The following SGIP1 variants were observed in gnomAD, a reference collection of about 807,000 sequenced individuals.
The protein encoded by SGIP1 is SH3GL interacting endocytic adaptor 1.
A neutral mutation model predicts 107.5 loss-of-function variants in SGIP1; 38 were observed. That is an observed-to-expected ratio of 0.35 (90% CI 0.27 to 0.46). SGIP1 has a LOEUF of 0.46. SGIP1 is among the 20% of genes least tolerant of loss of function. SGIP1 has a pLI of 1.00. For missense variants in SGIP1, 929 were observed against 1,019.5 expected (o/e 0.91, Z 1.21); for synonymous variants, 365 against 366.1 (o/e 1.00, Z 0.03).
rs1026644126 is a variant in SGIP1, at chr1:66,743,876, A to T, written c.*781A>T. The T allele has an allele frequency of 5.2e-5, 8 of 152,586 alleles. No homozygotes were observed. Among genetic ancestry groups the T allele is most frequent in the African/African-American group, 1.9e-4 (8 of 41,460 alleles). 9.5% of individuals were successfully genotyped at this position (152,586 alleles called of 1,614,324 possible). A position where few individuals can be genotyped will look rare whatever the true frequency, so the allele number is the denominator to read the frequency against. ...TAAATTATAATCAAGAGTAAAGAAG[A>T]TGTTGAAGTCTTAACTACTTGCCCC... On this transcript the variant is annotated 3_prime_UTR_variant, in exon 25 of 25. Coordinates refer to ENST00000371037, the MANE Select transcript of SGIP1 (RefSeq NM_032291.4).
intron 7 of SGIP1, among the ~76,000 whole-genome samples, chr1:66,652,281 C>T (rs780632438): frequency 3.9e-5 from 6 of 152,158 alleles, no homozygotes; most frequent in Non-Finnish European, 8.8e-5. Flanking sequence ...ATCACCTTCT[C>T]AGCTTTGCTT....
At chr1:66,687,496 G>A (rs1006588629) in intron 15 of SGIP1, among the ~76,000 whole-genome samples, 1 of 151,908 alleles carries the variant, frequency 6.6e-6, no homozygotes, top group Non-Finnish European at 1.5e-5. Context: ...TCTATATTGA[G>A]AGAGAGATGT....
chr1:66,714,876 G>T (rs1475229311), intron 18 of SGIP1, among the ~76,000 whole-genome samples: 1 of 152,034 alleles, frequency 6.6e-6, no homozygotes, highest in Non-Finnish European at 1.5e-5. Flanking sequence ...AGGCCATAAG[G>T]CTTGAATTTC....
At chr1:66,665,902 T>C (rs2082432226) in intron 8 of SGIP1, 2 of 152,214 alleles carry the variant, frequency 1.3e-5, no homozygotes, top group African/African-American at 4.8e-5. Flanking sequence ...CTACAAAAAT[T>C]TTCTCCCATT....
intron 4 of SGIP1, among the ~76,000 whole-genome samples, chr1:66,638,861 T>C (rs1012682935): frequency 6.6e-6 from 1 of 152,176 alleles, no homozygotes; most frequent in Admixed American, 6.5e-5. Flanking sequence ...CCATTTGATG[T>C]GTGTTGTTCT....
intron 1 of SGIP1, among the ~76,000 whole-genome samples, chr1:66,610,695 T>A (rs2067803028): frequency 7.1e-6 from 1 of 141,276 alleles, no homozygotes; most frequent in South Asian, 2.6e-4. Context: ...AAAAAAGGAA[T>A]TCAGTAAGTC....
At chr1:66,539,571 C>T (rs551198878) in intron 1 of SGIP1, among the ~76,000 whole-genome samples, 1 of 152,266 alleles carries the variant, frequency 6.6e-6, no homozygotes, top group East Asian at 1.9e-4. Flanking sequence ...TCTTAAAATC[C>T]ATAGGCTACA....
intron 1 of SGIP1, chr1:66,615,865 G>T (rs1161195491): frequency 6.6e-6 from 1 of 152,134 alleles, no homozygotes; most frequent in African/African-American, 2.4e-5. Flanking sequence ...AGGTTCTAAG[G>T]GAACAGGTCA....
At chr1:66,709,188 C>CA (rs778149974) in intron 18 of SGIP1, among the ~76,000 whole-genome samples, 8 of 150,814 alleles carry the variant, frequency 5.3e-5, no homozygotes, top group Admixed American at 4.0e-4. Flanking sequence ...CCCAGCCCCC[C>CA]ACCCCCGACA....
At chr1:66,703,833 C>A (rs2092239956) in intron 18 of SGIP1, among the ~76,000 whole-genome samples, 1 of 151,160 alleles carries the variant, frequency 6.6e-6, no homozygotes, top group African/African-American at 2.4e-5. Context: ...TATGGCATAT[C>A]ATAGATATTT....
At chr1:66,740,573 T>G in intron 22 of SGIP1, 85 bp from the exon 23 acceptor site, 1 of 822,696 alleles carries the variant, frequency 1.2e-6, no homozygotes, top group Non-Finnish European at 2.0e-6. Flanking sequence ...TTTTAAAAAA[T>G]TAATACTATC....
At chr1:66,595,163 G>A (rs775612518) in intron 1 of SGIP1, among the ~76,000 whole-genome samples, 8 of 152,174 alleles carry the variant, frequency 5.3e-5, no homozygotes, top group Non-Finnish European at 1.2e-4. Context: ...TACACTTCGT[G>A]CTGATCATTG....
intron 1 of SGIP1, among the ~76,000 whole-genome samples, chr1:66,609,105 A>G (rs2067424780): frequency 6.6e-6 from 1 of 152,120 alleles, no homozygotes; most frequent in African/African-American, 2.4e-5. Context: ...TGAATGTTCC[A>G]TCTGCAGTCA....
Position 66,747,181 on chromosome 1 carries a change from A to G in SGIP1, c.*4086A>G, listed in dbSNP as rs1171857813. The G allele has an allele frequency of 1.3e-5, 2 of 152,118 alleles. No individual in the cohort carries two copies. Among genetic ancestry groups the G allele is most frequent in the African/African-American group, 4.8e-5 (2 of 41,468 alleles). 9.4% of individuals were successfully genotyped at this position (152,118 alleles called of 1,614,324 possible). ...TAGGCATCGATAAATTTGTATTGACAGCATAAACTTCTAGGGATGAGATTT... is the reference window on the plus strand; with the variant it reads ...TAGGCATCGATAAATTTGTATTGACGGCATAAACTTCTAGGGATGAGATTT... On this transcript the variant is annotated 3_prime_UTR_variant, in exon 25 of 25. Coordinates refer to ENST00000371037, the MANE Select transcript of SGIP1 (RefSeq NM_032291.4).
At chr1:66,561,615 C>T (rs2058960270) in intron 1 of SGIP1, among the ~76,000 whole-genome samples, 1 of 151,988 alleles carries the variant, frequency 6.6e-6, no homozygotes, top group Admixed American at 6.6e-5. Flanking sequence ...ACGAGAAGTA[C>T]CTGCTTTATA....
chr1:66,733,007 A>T (rs1442316686), intron 20 of SGIP1, among the ~76,000 whole-genome samples: 1 of 152,168 alleles, frequency 6.6e-6, no homozygotes, highest in Non-Finnish European at 1.5e-5. Flanking sequence ...TCTTTTTATC[A>T]TTGAGATGAG....
At chr1:66,650,787 T>A (rs1236740223) in intron 7 of SGIP1, among the ~76,000 whole-genome samples, 1 of 152,170 alleles carries the variant, frequency 6.6e-6, no homozygotes, top group East Asian at 1.9e-4. Flanking sequence ...TATAATGTGC[T>A]CCCATGGATT....
At chr1:66,628,882 G>A (rs752895210) in intron 2 of SGIP1, among the ~76,000 whole-genome samples, 3 of 152,126 alleles carry the variant, frequency 2.0e-5, no homozygotes, top group Admixed American at 6.5e-5. Context: ...AATTACTTAC[G>A]TGATAGCAAA....
At chr1:66,689,029 G>T in intron 15 of SGIP1, 119 bp from the exon 16 acceptor site, 1 of 1,154,736 alleles carries the variant, frequency 8.7e-7, no homozygotes, top group South Asian at 1.8e-5. Context: ...ACAGTGTTTA[G>T]TGTAGTAACT....
Sources: gnomAD v4.1 joint callset for allele counts (sites outside exome capture counted in the v4.1 genomes callset) on GRCh38, gnomAD v4.1.1 for gene constraint, MANE v1.5 for transcripts, NCBI Gene and HGNC (gene_info 2026-07-23, HGNC 2026-07-21) for gene names.